The following NT5E variants were observed in gnomAD, a reference collection of about 807,000 sequenced individuals.
The protein encoded by NT5E is 5'-nucleotidase.
Under a neutral mutation model 55.1 loss-of-function variants are expected in NT5E, and 53 were observed. That is an observed-to-expected ratio of 0.96 (90% CI 0.77 to 1.21). The LOEUF is 1.21. Ranked by LOEUF, NT5E falls within the 50% of genes most tolerant of loss-of-function variation. The pLI is 0.00. For missense variants in NT5E, 683 were observed against 724.3 expected, an observed-to-expected ratio of 0.94 and a Z score of 0.65; for synonymous variants, 270 against 278.4, an observed-to-expected ratio of 0.97 and a Z score of 0.30.
chr6:85,488,108 C>T (rs1334813569), intron 5 of NT5E, among the ~76,000 whole-genome samples: 3 of 152,184 alleles, frequency 2.0e-5, no homozygotes, highest in African/African-American at 4.8e-5. Flanking sequence ...AGAAAGACAA[C>T]ACACAGTTTT....
At chr6:85,485,454 G>A (rs752974458) in intron 4 of NT5E, 22 bp downstream of exon 4, 5 of 1,610,676 alleles carry the variant, frequency 3.1e-6, no homozygotes, top group Non-Finnish European at 4.2e-6. Context: ...TCAGGGGAAT[G>A]TTCCACCAAT....
At position 85,450,678 on chromosome 6, in the gene NT5E, C is replaced by G. The variant is rs1447499416; in HGVS notation, c.339+200C>G. ...TTCGTCTTAAACGGACGTTATTGCG[C>G]CCCCACTATGAGATGGGAGTATTTA... On this transcript the variant is annotated intron_variant, in intron 1 of 8. Transcript: ENST00000257770. This position sits in a 1 kb window ranked among gnomAD's most constrained non-coding sequence, Gnocchi z 4.0. Among the ~76,000 whole-genome samples, 1 of 152,182 alleles carries G rather than the reference C, an allele frequency of 6.6e-6. No homozygotes were observed. The highest frequency in any genetic ancestry group is 1.5e-5 in the Non-Finnish European group (1 of 68,034).
Position 85,494,814 on chromosome 6 carries a change from G to A in NT5E, c.*810G>A, listed in dbSNP as rs1299649383. On this transcript the variant is annotated 3_prime_UTR_variant, in exon 9 of 9. Transcript: ENST00000257770. ...CAAAAGACAGTCAAAGGACACGAGA[G>A]AAAGGAAGGGGAAGAACAGGACTCC... The A allele has an allele frequency of 6.6e-6, 1 of 152,282 alleles. No homozygotes were observed. The highest frequency in any genetic ancestry group is 6.5e-5 in the Admixed American group (1 of 15,280). The allele number at this position is 152,282 out of a possible 1,614,324, so 9.4% of individuals were successfully genotyped here. A position where few individuals can be genotyped will look rare whatever the true frequency, so the allele number is the denominator to read the frequency against.
intron 7 of NT5E, among the ~76,000 whole-genome samples, chr6:85,491,634 C>T (rs1369785959): frequency 6.6e-6 from 1 of 152,226 alleles, no homozygotes; most frequent in African/African-American, 2.4e-5. Context: ...CTCTCTGCCT[C>T]TGATCTGTTT....
intron 1 of NT5E, among the ~76,000 whole-genome samples, chr6:85,464,718 T>A (rs192427159): frequency 6.1e-4 from 93 of 152,280 alleles, no homozygotes; most frequent in African/African-American, 2.2e-3. Flanking sequence ...GAAATGAGAA[T>A]AGCTGGAAAC....
At chr6:85,491,130 C>A in intron 7 of NT5E, 1 of 526,062 alleles carries the variant, frequency 1.9e-6, no homozygotes, top group African/African-American at 1.9e-5. Flanking sequence ...GTTCTAGTCC[C>A]ACTGTGACCT....
chr6:85,473,138 A>G (rs1230209357), intron 3 of NT5E, among the ~76,000 whole-genome samples: 1 of 152,186 alleles, frequency 6.6e-6, no homozygotes, highest in Non-Finnish European at 1.5e-5. Context: ...TAAATGAACT[A>G]AGAGAGCCAA....
intron 4 of NT5E, 90 bp from the exon 5 acceptor site, chr6:85,487,245 G>A: frequency 8.5e-7 from 1 of 1,182,056 alleles, no homozygotes; most frequent in Non-Finnish European, 1.3e-6. Flanking sequence ...TGTTCTCACA[G>A]CAAGTAAGAT....
rs1361328909 is a variant in NT5E, at chr6:85,468,146, T to C, written c.562+864T>C. 2.6e-5 allele frequency among the ~76,000 whole-genome samples: 4 copies of C among 152,352 alleles called. No homozygotes were observed. In the Middle Eastern group the frequency reaches 0.01, roughly 389 times the overall value. On this transcript the variant is annotated intron_variant, in intron 2 of 8. Coordinates refer to ENST00000257770, the MANE Select transcript of NT5E (RefSeq NM_002526.4). ...ATTAAGAACTAACTGATAAAGGACATATAATTGACAATTCAAAAATATATA... is the reference window on the plus strand; with the variant it reads ...ATTAAGAACTAACTGATAAAGGACACATAATTGACAATTCAAAAATATATA...
At chr6:85,452,325 T>C (rs1486197543) in intron 1 of NT5E, among the ~76,000 whole-genome samples, 2 of 152,174 alleles carry the variant, frequency 1.3e-5, no homozygotes, top group Non-Finnish European at 2.9e-5. Flanking sequence ...AATGAAGAAT[T>C]CCTAGTTTTC....
At chr6:85,490,688 T>C in intron 7 of NT5E, 31 bp downstream of exon 7, 1 of 1,612,280 alleles carries the variant, frequency 6.2e-7, no homozygotes, top group Non-Finnish European at 8.5e-7. Context: ...GGCTGGCCCA[T>C]CCAAAGTGAC....
At chr6:85,455,175 A>G (rs909035342) in intron 1 of NT5E, among the ~76,000 whole-genome samples, 3 of 152,248 alleles carry the variant, frequency 2.0e-5, no homozygotes, top group Non-Finnish European at 2.9e-5. Flanking sequence ...AGTACCTGTC[A>G]CAGAGTTCCT....
At chr6:85,489,016 C>CT in intron 5 of NT5E, among the ~76,000 whole-genome samples, 1 of 152,006 alleles carries the variant, frequency 6.6e-6, no homozygotes, top group African/African-American at 2.4e-5. Context: ...AAGGCTGTCT[C>CT]TGTCTTTCCA....
At chr6:85,459,082 G>A (rs1769043832) in intron 1 of NT5E, among the ~76,000 whole-genome samples, 1 of 152,212 alleles carries the variant, frequency 6.6e-6, no homozygotes, top group Non-Finnish European at 1.5e-5. Flanking sequence ...GATGTTGAGT[G>A]ATTGGCAACT....
chr6:85,495,170 C>T lies in NT5E; in HGVS notation c.*1166C>T, dbSNP rs1367353940. 6.6e-6 allele frequency: 1 copy of T among 152,164 alleles called. No individual in the cohort carries two copies. The highest frequency in any genetic ancestry group is 1.5e-5 in the Non-Finnish European group (1 of 68,038). 9.4% of individuals were successfully genotyped at this position (152,164 alleles called of 1,614,324 possible). Reference sequence around the variant, plus strand: ...AGGAAGAGGTATACATTTTTTAAGTCGCTCTGCCTCCAAATCTGAACAGTC... The same window carrying T: ...AGGAAGAGGTATACATTTTTTAAGTTGCTCTGCCTCCAAATCTGAACAGTC... On this transcript the variant is annotated 3_prime_UTR_variant, in exon 9 of 9. Transcript: ENST00000257770.
At chr6:85,472,904 A>AG (rs1769345236) in intron 3 of NT5E, among the ~76,000 whole-genome samples, 1 of 152,128 alleles carries the variant, frequency 6.6e-6, no homozygotes, top group South Asian at 2.1e-4. Context: ...GACCAGTAGT[A>AG]GGGCTTTTTT....
intron 2 of NT5E, 55 bp from the exon 3 acceptor site, chr6:85,471,182 A>G: frequency 8.2e-7 from 1 of 1,213,474 alleles, no homozygotes; most frequent in South Asian, 1.4e-5. Context: ...ATGTATATTA[A>G]GTAATATAAT....
At chr6:85,483,629 T>C (rs371693229) in intron 3 of NT5E, among the ~76,000 whole-genome samples, 302 of 152,344 alleles carry the variant, frequency 2.0e-3, no homozygotes, top group African/African-American at 7.1e-3. Context: ...TGGCAACAAC[T>C]ATTTCCTGCT....
chr6:85,480,646 G>A (rs1769528720), intron 3 of NT5E, among the ~76,000 whole-genome samples: 1 of 152,124 alleles, frequency 6.6e-6, no homozygotes, highest in Non-Finnish European at 1.5e-5. Flanking sequence ...GAGGGGCTCT[G>A]GTGGCAGGAA....
Sources: allele counts gnomAD v4.1 joint callset (sites outside exome capture counted in the v4.1 genomes callset), GRCh38; gene constraint gnomAD v4.1.1; non-coding constraint Gnocchi (gnomAD v3.1); transcripts MANE v1.5; gene names NCBI Gene and HGNC (gene_info 2026-07-23, HGNC 2026-07-21).